Variants in BPNT1 observed in about 807,000 individuals in gnomAD.
The protein encoded by BPNT1 is 3'(2'),5'-bisphosphate nucleotidase 1.
BPNT1 carries 28 observed loss-of-function variants against 36.9 expected under a neutral mutation model. That is an observed-to-expected ratio of 0.76 (90% CI 0.56 to 1.04). The LOEUF (loss-of-function observed/expected upper bound fraction) is 1.04, where lower values mean the gene tolerates loss of function less well. Among genes scored for constraint, BPNT1 ranks in the 50% least tolerant of loss-of-function variants. The pLI, the probability that BPNT1 is intolerant of heterozygous loss-of-function variation, is 0.00. For synonymous variants in BPNT1, 119 were observed against 130.9 expected (o/e 0.91, Z 0.62); for missense variants, 313 against 372.9 (o/e 0.84, Z 1.32).
chr1:220,065,985 G>A (rs528695887), intron 6 of BPNT1: 8 of 891,968 alleles, frequency 9.0e-6, no homozygotes, highest in Middle Eastern at 4.5e-4. Context: ...CTGGTATGTG[G>A]GATGTACAAT....
At chr1:220,079,084 A>T (rs552333760) in intron 2 of BPNT1, among the ~76,000 whole-genome samples, 1 of 152,312 alleles carries the variant, frequency 6.6e-6, no homozygotes, top group African/African-American at 2.4e-5. Flanking sequence ...ATATTTATGT[A>T]AATGCCAGAT....
intron 4 of BPNT1, among the ~76,000 whole-genome samples, 164 bp downstream of exon 4, chr1:220,072,686 C>T (rs1194502540): frequency 6.6e-6 from 1 of 152,104 alleles, no homozygotes; most frequent in Non-Finnish European, 1.5e-5. Flanking sequence ...ACTCTAAATC[C>T]ATATGGTTGC....
rs1664955826 is a variant in BPNT1, at chr1:220,079,991, T to G, written c.-8-137A>C. The G allele has an allele frequency of 5.7e-6, 5 of 871,404 alleles. No individual in the cohort carries two copies. In the South Asian group the frequency reaches 1.2e-4, roughly 21 times the overall value. 54.0% of individuals were successfully genotyped at this position (871,404 alleles called of 1,614,324 possible). The stretch of plus-strand genomic sequence containing the variant: ...CATTAACTGAGTAAATTCTTTAATA[T>G]ATATTTACTAAAAGAGACTTCGAAA... On this transcript the variant is annotated intron_variant, in intron 1 of 8. Transcript: ENST00000322067.
At chr1:220,078,514 TTA>T (rs1558096538) in intron 2 of BPNT1, among the ~76,000 whole-genome samples, 1 of 126,406 alleles carries the variant, frequency 7.9e-6, no homozygotes, top group Non-Finnish European at 1.7e-5. Flanking sequence ...TATAATATAA[TTA>T]TATATAATTA....
At position 220,063,039 on chromosome 1, in the gene BPNT1, A is replaced by T. The variant is rs529468135; in HGVS notation, c.475-85T>A. On this transcript the variant is annotated intron_variant, in intron 6 of 8. Coordinates refer to ENST00000322067, the MANE Select transcript of BPNT1 (RefSeq NM_006085.6). ...AAATGGAATATTCAGTTATATTAGCATCATGATTTAAAAAATAAAAACATG... is the reference window on the plus strand; with the variant it reads ...AAATGGAATATTCAGTTATATTAGCTTCATGATTTAAAAAATAAAAACATG... 2.3e-5 allele frequency: 32 copies of T among 1,419,718 alleles called. No homozygotes were observed. The South Asian group carries it at 3.7e-4, about 16-fold the overall frequency. The allele number at this position is 1,419,718 out of a possible 1,614,324, so 87.9% of individuals were successfully genotyped here.
rs1662740872 is a variant in BPNT1 at position 220,058,784 on chromosome 1, C to T, written c.*60G>A. 1 of 1,519,634 alleles carries T rather than the reference C, an allele frequency of 6.6e-7. No homozygotes were observed. The highest frequency in any genetic ancestry group is 9.1e-7 in the Non-Finnish European group (1 of 1,100,564). The allele number at this position is 1,519,634 out of a possible 1,614,324, so 94.1% of individuals were successfully genotyped here. On this transcript the variant is annotated 3_prime_UTR_variant, in exon 9 of 9. Transcript: ENST00000322067. ...GCTCAAGTGATCCACCTGCCTCGGCCTCCCAAAGTGCTGGGATTACAGGCA... is the reference window on the plus strand; with the variant it reads ...GCTCAAGTGATCCACCTGCCTCGGCTTCCCAAAGTGCTGGGATTACAGGCA...
At position 220,088,222 on chromosome 1, in the gene BPNT1, G is replaced by A. The variant is rs574725187; in HGVS notation, c.-9+1464C>T. On this transcript the variant is annotated intron_variant, in intron 1 of 8. Transcript: ENST00000322067. ...TAGAAAAGAAAATTTGGCAGGGCAC[G>A]GTGGCTCACACCTGTAATCCCAGCA... 1.8e-4 allele frequency among the ~76,000 whole-genome samples: 27 copies of A among 151,686 alleles called. No homozygotes were observed. The South Asian group carries it at 3.8e-3, about 21-fold the overall frequency.
At position 220,057,813 on chromosome 1, in the gene BPNT1, T is replaced by TG; in HGVS notation, c.*1030dup. ...TAATAACATCATATATATTCTTAAT[T>TG]GGAGTAGAAACGTTTTTAAAATTAC... On this transcript the variant is annotated 3_prime_UTR_variant, in exon 9 of 9. Coordinates refer to ENST00000322067, the MANE Select transcript of BPNT1 (RefSeq NM_006085.6). The TG allele has an allele frequency of 8.0e-7, 1 of 1,257,054 alleles. No homozygotes were observed. Among genetic ancestry groups the TG allele is most frequent in the South Asian group, 1.3e-5 (1 of 79,840 alleles). The allele number at this position is 1,257,054 out of a possible 1,614,324, so 77.9% of individuals were successfully genotyped here. A position where few individuals can be genotyped will look rare whatever the true frequency, so the allele number is the denominator to read the frequency against.
At chr1:220,067,997 C>A (rs1281351200) in intron 5 of BPNT1, among the ~76,000 whole-genome samples, 3 of 152,100 alleles carry the variant, frequency 2.0e-5, no homozygotes, top group Non-Finnish European at 2.9e-5. Flanking sequence ...GTTTTCAGCA[C>A]ACACACATAC....
In BPNT1 at chr1:220,069,377, T is replaced by C; in HGVS notation, c.382+7A>G. The C allele has an allele frequency of 6.3e-7, 1 of 1,592,860 alleles. No homozygotes were observed. Among genetic ancestry groups the C allele is most frequent in the Non-Finnish European group, 8.6e-7 (1 of 1,169,286 alleles). On this transcript the variant is annotated splice_region_variant and intron_variant, in intron 5 of 8. Transcript: ENST00000322067. ...CTGTCAAATATGAATACAAAAGAGA[T>C]ATCAACCTTCGGTATATTCCTTGGT... is the stretch of plus-strand genomic sequence containing the variant.
chr1:220,073,569 G>T (rs977137960), intron 3 of BPNT1, among the ~76,000 whole-genome samples: 2 of 152,186 alleles, frequency 1.3e-5, no homozygotes, highest in Non-Finnish European at 2.9e-5. Context: ...TGGTATTACA[G>T]GCGTGAGCCA....
chr1:220,071,276 T>A (rs1007965282), intron 4 of BPNT1, among the ~76,000 whole-genome samples: 1 of 152,118 alleles, frequency 6.6e-6, no homozygotes, highest in African/African-American at 2.4e-5. Flanking sequence ...AAAGACATTA[T>A]GGTGGCTATC....
At chr1:220,089,594 A>T (rs554285803) in intron 1 of BPNT1, 92 bp downstream of exon 1, 9 of 152,250 alleles carry the variant, frequency 5.9e-5, no homozygotes, top group Non-Finnish European at 1.2e-4. Context: ...AAGCAATCTG[A>T]TTCACATAAA....
At chr1:220,089,340 A>G (rs1656092201) in intron 1 of BPNT1, among the ~76,000 whole-genome samples, 1 of 152,168 alleles carries the variant, frequency 6.6e-6, no homozygotes, top group Non-Finnish European at 1.5e-5. Flanking sequence ...ATCCAAATAA[A>G]TCACGCAAAC....
intron 5 of BPNT1, 84 bp downstream of exon 5, chr1:220,069,300 A>G (rs1211305243): frequency 1.8e-6 from 2 of 1,103,768 alleles, no homozygotes; most frequent in African/African-American, 3.2e-5. Context: ...CTTTCCATAC[A>G]ACATACAAAA....
At chr1:220,061,300 AC>A (rs1317325545) in intron 7 of BPNT1, among the ~76,000 whole-genome samples, 2 of 152,190 alleles carry the variant, frequency 1.3e-5, no homozygotes, top group African/African-American at 2.4e-5. Context: ...CTGCTATCAA[AC>A]TTTCATTAGT....
intron 4 of BPNT1, among the ~76,000 whole-genome samples, chr1:220,071,391 C>A (rs1664046943): frequency 1.3e-5 from 2 of 152,100 alleles, no homozygotes; most frequent in Non-Finnish European, 2.9e-5. Context: ...CTTCTATCCC[C>A]AATTACCAAT....
intron 2 of BPNT1, among the ~76,000 whole-genome samples, chr1:220,074,960 C>T (rs1328839317): frequency 2.0e-5 from 3 of 151,426 alleles, no homozygotes; most frequent in Non-Finnish European, 3.0e-5. Context: ...TGTTAGTTTG[C>T]TTTCAGAGCC....
intron 6 of BPNT1, chr1:220,067,068 C>G (rs1663599247): frequency 1.2e-5 from 2 of 170,034 alleles, no homozygotes; most frequent in Non-Finnish European, 2.4e-5. Context: ...TTCAGTAGGT[C>G]TGGGGTATGG....
Sources: allele counts gnomAD v4.1 joint callset (sites outside exome capture counted in the v4.1 genomes callset), GRCh38; gene constraint gnomAD v4.1.1; transcripts MANE v1.5; gene names NCBI Gene and HGNC (gene_info 2026-07-23, HGNC 2026-07-21).